The following MAP3K4 variants were observed in gnomAD, a reference collection of about 807,000 sequenced individuals.
The protein encoded by MAP3K4 is mitogen-activated protein kinase kinase kinase 4.
MAP3K4 carries 67 observed loss-of-function variants against 185.6 expected under a neutral mutation model. The observed-to-expected ratio is 0.36, with a 90% CI of 0.30 to 0.44. MAP3K4 has a LOEUF of 0.44. Among genes scored for constraint, MAP3K4 ranks in the 20% least tolerant of loss-of-function variants. The pLI, the probability that MAP3K4 is intolerant of heterozygous loss-of-function variation, is 1.00. For missense variants in MAP3K4, 1,551 were observed against 1,995.1 expected (o/e 0.78, Z 4.24); for synonymous variants, 702 against 710.4 (o/e 0.99, Z 0.19).
At position 161,007,327 on chromosome 6, in the gene MAP3K4, TGAA is replaced by T. The variant is rs1781635989; in HGVS notation, c.152+15247_152+15249del. 6.6e-6 allele frequency among the ~76,000 whole-genome samples: 1 copy of T among 152,174 alleles called. No individual in the cohort carries two copies. Among genetic ancestry groups the T allele is most frequent in the African/African-American group, 2.4e-5 (1 of 41,444 alleles). On this transcript the variant is annotated intron_variant, in intron 1 of 26. Transcript: ENST00000392142. The surrounding 1 kb of genome is among the most constrained non-coding windows in gnomAD (Gnocchi z 4.5). ...AAACATTCACTATTGAGGAATGTCT[TGAA>T]GAGGAGGGAGAAACTTAGGGTTTTA...
chr6:161,039,335 A>G (rs1439866468), intron 2 of MAP3K4, among the ~76,000 whole-genome samples: 1 of 151,120 alleles, frequency 6.6e-6, no homozygotes, highest in Non-Finnish European at 1.5e-5. Context: ...GTAAGGACTC[A>G]GAAAGGTAAC....
chr6:161,106,214 GGA>G lies in MAP3K4; in HGVS notation c.3857-294_3857-293del, dbSNP rs1778064889. Among the ~76,000 whole-genome samples the G allele has an allele frequency of 6.6e-6, 1 of 152,142 alleles. No individual in the cohort carries two copies. The highest frequency in any genetic ancestry group is 2.4e-5 in the African/African-American group (1 of 41,426). The stretch of plus-strand genomic sequence containing the variant: ...AATATGGCAAACAAGAGTGTGGAAT[GGA>G]GAGAGGAGAAACTAGAGACATGTAT... On this transcript the variant is annotated intron_variant, in intron 19 of 26. Coordinates refer to ENST00000392142, the MANE Select transcript of MAP3K4 (RefSeq NM_005922.4). The surrounding 1 kb of genome is among the most constrained non-coding windows in gnomAD (Gnocchi z 4.9).
chr6:161,073,419 C>A lies in MAP3K4; in HGVS notation c.1951-47C>A. 6.7e-7 allele frequency: 1 copy of A among 1,496,584 alleles called. No homozygotes were observed. The highest frequency in any genetic ancestry group is 1.4e-5 in the South Asian group (1 of 73,690). 92.7% of individuals were successfully genotyped at this position (1,496,584 alleles called of 1,614,324 possible). A position where few individuals can be genotyped will look rare whatever the true frequency, so the allele number is the denominator to read the frequency against. ...TAGGAAGATATAAAACACGGATCGTCTGGTTGGAGTTTATGGCTGCTGGAA... is the reference window on the plus strand; with the variant it reads ...TAGGAAGATATAAAACACGGATCGTATGGTTGGAGTTTATGGCTGCTGGAA... On this transcript the variant is annotated intron_variant, in intron 4 of 26. Coordinates refer to ENST00000392142, the MANE Select transcript of MAP3K4 (RefSeq NM_005922.4). This position sits in a 1 kb window ranked among gnomAD's most constrained non-coding sequence, Gnocchi z 4.2.
At chr6:160,997,562 C>A (rs1781059054) in intron 1 of MAP3K4, among the ~76,000 whole-genome samples, 1 of 152,184 alleles carries the variant, frequency 6.6e-6, no homozygotes, top group South Asian at 2.1e-4. Context: ...TCAAGTATTT[C>A]TGATGTATAC....
At position 160,993,735 on chromosome 6, in the gene MAP3K4, T is replaced by TTAA. The variant is rs1176994416; in HGVS notation, c.152+1652_152+1653insTAA. Among the ~76,000 whole-genome samples the TTAA allele has an allele frequency of 3.9e-3, 573 of 148,262 alleles. 7 individuals carry two copies. Among genetic ancestry groups the TTAA allele is most frequent in the African/African-American group, 0.013 (534 of 40,522 alleles). On this transcript the variant is annotated intron_variant, in intron 1 of 26. Coordinates refer to ENST00000392142, the MANE Select transcript of MAP3K4 (RefSeq NM_005922.4). ...GCAAAAATGACTGCTGCTTCAGTGG[T>TTAA]AAAAAAAAAAAAAAACTTGACTTTT...
At chr6:161,031,272 G>A (rs1022224437) in intron 1 of MAP3K4, among the ~76,000 whole-genome samples, 2 of 152,132 alleles carry the variant, frequency 1.3e-5, no homozygotes, top group African/African-American at 4.8e-5. Context: ...ATTTATTCTT[G>A]TACTTTTATT....
chr6:161,059,218 C>T (rs1482434958), intron 3 of MAP3K4, among the ~76,000 whole-genome samples: 2 of 152,056 alleles, frequency 1.3e-5, no homozygotes, highest in African/African-American at 4.8e-5. Flanking sequence ...TTATGGCAGC[C>T]TCCACCTCCC....
rs1436105848 is a variant in MAP3K4, at chr6:161,106,598, G to T, written c.3941G>T (p.Arg1314Ile). 1 of 1,613,976 alleles carries T rather than the reference G, an allele frequency of 6.2e-7. No individual in the cohort carries two copies. The highest frequency in any genetic ancestry group is 2.2e-5 in the East Asian group (1 of 44,858). ...FEEKRYREMR[R>I]KNIIGQVCDT... ...GAAAAGAGGTACCGAGAAATGAGGA[G>T]AAAGAATATCATTGGTCAAGTTTGT... Residue 1314 changes from arginine (R) to isoleucine (I), a missense_variant, in exon 20 of 27, where the codon AGA becomes ATA. Physicochemically the swap from Arg to Ile is moderately conservative, Grantham distance 97. Coordinates refer to ENST00000392142, the MANE Select transcript of MAP3K4 (RefSeq NM_005922.4). This position sits in a 1 kb window ranked among gnomAD's most constrained non-coding sequence, Gnocchi z 4.9.
intron 3 of MAP3K4, among the ~76,000 whole-genome samples, chr6:161,062,130 A>T (rs1784511940): frequency 6.6e-6 from 1 of 152,166 alleles, no homozygotes; most frequent in Non-Finnish European, 1.5e-5. Flanking sequence ...TAATATCTTT[A>T]CATAACACCC....
In MAP3K4 at chr6:161,054,926, C is replaced by A. The variant is rs753089180; in HGVS notation, c.1707+4947C>A. Among the ~76,000 whole-genome samples the A allele has an allele frequency of 6.6e-6, 1 of 152,194 alleles. No individual in the cohort carries two copies. The highest frequency in any genetic ancestry group is 1.5e-5 in the Non-Finnish European group (1 of 68,032). ...ATCCATTTGTGGACCCAGATACAAT[C>A]CAAGATCTTTTTTATATTTTCTCAT... is the stretch of plus-strand genomic sequence containing the variant. On this transcript the variant is annotated intron_variant, in intron 3 of 26. Transcript: ENST00000392142. This position sits in a 1 kb window ranked among gnomAD's most constrained non-coding sequence, Gnocchi z 4.2.
In MAP3K4 at chr6:161,108,720, A is replaced by G. The variant is rs1355224082; in HGVS notation, c.4120-23A>G. 1.4e-6 allele frequency: 2 copies of G among 1,426,570 alleles called. No homozygotes were observed. The highest frequency in any genetic ancestry group is 1.7e-5 in the Admixed American group (1 of 59,756). 88.4% of individuals were successfully genotyped at this position (1,426,570 alleles called of 1,614,324 possible). On this transcript the variant is annotated intron_variant, in intron 21 of 26. Coordinates refer to ENST00000392142, the MANE Select transcript of MAP3K4 (RefSeq NM_005922.4). This position sits in a 1 kb window ranked among gnomAD's most constrained non-coding sequence, Gnocchi z 5.7. ...GAGTGATTAAATCAAGCCAGTTAAC[A>G]TTTTTGTCACCTCACTTTACAGATT...
chr6:161,095,226 G>A (rs1441966182), intron 15 of MAP3K4, among the ~76,000 whole-genome samples: 1 of 152,122 alleles, frequency 6.6e-6, no homozygotes, highest in Non-Finnish European at 1.5e-5. Flanking sequence ...ACTGTCGGGG[G>A]CCTGGACAGC....
intron 1 of MAP3K4, among the ~76,000 whole-genome samples, chr6:160,994,870 T>G (rs1780919330): frequency 6.6e-6 from 1 of 152,142 alleles, no homozygotes; most frequent in Non-Finnish European, 1.5e-5. Context: ...CCAGCTCATT[T>G]TTGTATTTTT....
Position 160,993,001 on chromosome 6 carries a change from T to C in MAP3K4, c.152+918T>C, listed in dbSNP as rs181543184. Among the ~76,000 whole-genome samples, 9 of 152,320 alleles carry C rather than the reference T, an allele frequency of 5.9e-5. No homozygotes were observed. The South Asian group carries it at 8.3e-4, about 14-fold the overall frequency. On this transcript the variant is annotated intron_variant, in intron 1 of 26. Coordinates refer to ENST00000392142, the MANE Select transcript of MAP3K4 (RefSeq NM_005922.4). ...CTCGGCAGCTCCTCTTGGCATCTTATGGTCTTGCTCTATGGTTCTAGGAAT... is the reference window on the plus strand; with the variant it reads ...CTCGGCAGCTCCTCTTGGCATCTTACGGTCTTGCTCTATGGTTCTAGGAAT...
At position 161,074,180 on chromosome 6, in the gene MAP3K4, C is replaced by G. The variant is rs1785069841; in HGVS notation, c.2097+568C>G. Among the ~76,000 whole-genome samples, 1 of 152,182 alleles carries G rather than the reference C, an allele frequency of 6.6e-6. No homozygotes were observed. The highest frequency in any genetic ancestry group is 2.1e-4 in the South Asian group (1 of 4,824). ...TGCTGTGTTGTCTGGGAGGCACTTC[C>G]AGTGAGGAAGCTGAATCTTAAAAAG... is the stretch of plus-strand genomic sequence containing the variant. On this transcript the variant is annotated intron_variant, in intron 5 of 26. Coordinates refer to ENST00000392142, the MANE Select transcript of MAP3K4 (RefSeq NM_005922.4). This position sits in a 1 kb window ranked among gnomAD's most constrained non-coding sequence, Gnocchi z 5.0.
chr6:161,062,860 ATAGTT>A lies in MAP3K4; in HGVS notation c.1708-7741_1708-7737del, dbSNP rs370198816. Among the ~76,000 whole-genome samples, 292 of 152,200 alleles carry A rather than the reference ATAGTT, an allele frequency of 1.9e-3. 2 individuals are homozygous for A. The highest frequency in any genetic ancestry group is 6.6e-3 in the African/African-American group (273 of 41,544). ...GATACATGGTGTACACTTTGAATAAATAGTTTAGTTTGTTTGTTTGTCAGTCTGTT... is the reference window on the plus strand; with the variant it reads ...GATACATGGTGTACACTTTGAATAAATAGTTTGTTTGTTTGTCAGTCTGTT... On this transcript the variant is annotated intron_variant, in intron 3 of 26. Coordinates refer to ENST00000392142, the MANE Select transcript of MAP3K4 (RefSeq NM_005922.4).
Position 161,112,102 on chromosome 6 carries a change from A to C in MAP3K4, c.4519+144A>C. Reference sequence around the variant, plus strand: ...CGTGAGAAGGACCACTTCCTCACACACTTGGGCTCCCACGCAAGAGCAGCT... The same window carrying C: ...CGTGAGAAGGACCACTTCCTCACACCCTTGGGCTCCCACGCAAGAGCAGCT... On this transcript the variant is annotated intron_variant, in intron 24 of 26. Coordinates refer to ENST00000392142, the MANE Select transcript of MAP3K4 (RefSeq NM_005922.4). The surrounding 1 kb of genome is among the most constrained non-coding windows in gnomAD (Gnocchi z 5.1). 1 of 1,052,406 alleles carries C rather than the reference A, an allele frequency of 9.5e-7. No homozygotes were observed. Among genetic ancestry groups the C allele is most frequent in the Non-Finnish European group, 1.3e-6 (1 of 747,544 alleles). The allele number at this position is 1,052,406 out of a possible 1,614,324, so 65.2% of individuals were successfully genotyped here.
At chr6:160,992,847 C>T (rs1244287481) in intron 1 of MAP3K4, among the ~76,000 whole-genome samples, 1 of 151,952 alleles carries the variant, frequency 6.6e-6, no homozygotes, top group East Asian at 1.9e-4. Context: ...AACAAACTCA[C>T]CATAACTGAG....
In MAP3K4 at chr6:161,097,014, G is replaced by A. The variant is rs1296700375; in HGVS notation, c.3428-66G>A. On this transcript the variant is annotated intron_variant, in intron 15 of 26. Coordinates refer to ENST00000392142, the MANE Select transcript of MAP3K4 (RefSeq NM_005922.4). This position sits in a 1 kb window ranked among gnomAD's most constrained non-coding sequence, Gnocchi z 4.9. The stretch of plus-strand genomic sequence containing the variant: ...GTGACATTCTATTTTCCATTTGACT[G>A]TTTGGTTTGATGATTTTCTGTGGAC... 9.0e-6 allele frequency: 12 copies of A among 1,330,040 alleles called. No homozygotes were observed. The highest frequency in any genetic ancestry group is 1.1e-6 in the Non-Finnish European group (1 of 922,676). The allele number at this position is 1,330,040 out of a possible 1,614,324, so 82.4% of individuals were successfully genotyped here. A position where few individuals can be genotyped will look rare whatever the true frequency, so the allele number is the denominator to read the frequency against.
Sources: allele counts gnomAD v4.1 joint callset (sites outside exome capture counted in the v4.1 genomes callset), GRCh38; gene constraint gnomAD v4.1.1; non-coding constraint Gnocchi (gnomAD v3.1); transcripts MANE v1.5; gene names NCBI Gene and HGNC (gene_info 2026-07-23, HGNC 2026-07-21).